NSUN6: variants seen among roughly 807,000 people sequenced by gnomAD.
NSUN6 encodes tRNA (cytosine(72)-C(5))-methyltransferase NSUN6.
NSUN6 carries 64 observed loss-of-function variants against 58.0 expected under a neutral mutation model. That is an observed-to-expected ratio of 1.10 (90% CI 0.90 to 1.36). NSUN6 has a LOEUF of 1.36. Ranked by LOEUF, NSUN6 falls within the 40% of genes most tolerant of loss-of-function variation. The pLI is 0.00. For missense variants in NSUN6, 701 were observed against 550.1 expected (o/e 1.27, Z -2.74); for synonymous variants, 231 against 193.9 (o/e 1.19, Z -1.59).
intron 8 of NSUN6, among the ~76,000 whole-genome samples, chr10:18,566,438 A>C (rs1269245499): frequency 4.5e-5 from 6 of 132,458 alleles, no homozygotes; most frequent in Non-Finnish European, 8.2e-5. Context: ...CATTCCGTTC[A>C]GCAATCCATT....
At chr10:18,600,942 A>AAATATATATATATG (rs34335327) in intron 6 of NSUN6, among the ~76,000 whole-genome samples, 3 of 42,794 alleles carry the variant, frequency 7.0e-5, no homozygotes, top group Non-Finnish European at 1.2e-4. Context: ...AAAAAAAAAA[A>AAATATATATATATG]TATATATATA....
intron 7 of NSUN6, among the ~76,000 whole-genome samples, chr10:18,586,934 T>C (rs1046545929): frequency 2.0e-5 from 3 of 152,176 alleles, no homozygotes; most frequent in African/African-American, 7.2e-5. Flanking sequence ...CACTGATTGG[T>C]GCGTTTACAA....
At chr10:18,572,752 TCCATTCCATTCC>T (rs2056441450) in intron 8 of NSUN6, among the ~76,000 whole-genome samples, 1 of 150,078 alleles carries the variant, frequency 6.7e-6, no homozygotes, top group Non-Finnish European at 1.5e-5. Context: ...AATTTCATTC[TCCATTCCATTCC>T]CCATTCCATT....
intron 4 of NSUN6, among the ~76,000 whole-genome samples, chr10:18,615,504 G>A (rs1344659432): frequency 6.6e-6 from 1 of 152,036 alleles, no homozygotes; most frequent in Non-Finnish European, 1.5e-5. Context: ...TTCTTTATAT[G>A]TGTATCTTTT....
intron 6 of NSUN6, among the ~76,000 whole-genome samples, chr10:18,604,038 T>C (rs1465054006): frequency 1.3e-5 from 2 of 151,980 alleles, no homozygotes; most frequent in Non-Finnish European, 2.9e-5. Flanking sequence ...AAAAATTAGC[T>C]GGGCATAGTG....
At chr10:18,620,378 C>T (rs893044733) in intron 3 of NSUN6, among the ~76,000 whole-genome samples, 2 of 152,080 alleles carry the variant, frequency 1.3e-5, no homozygotes, top group Non-Finnish European at 2.9e-5. Context: ...TGAGCCACTG[C>T]GCCCGACAAT....
intron 8 of NSUN6, among the ~76,000 whole-genome samples, chr10:18,556,561 G>A (rs976579415): frequency 6.6e-6 from 1 of 151,534 alleles, no homozygotes; most frequent in African/African-American, 2.4e-5. Context: ...ATGGAGAATG[G>A]AATGTTATGG....
chr10:18,559,475 CGAATGGAGAATG>C (rs2055313796), intron 8 of NSUN6, among the ~76,000 whole-genome samples: 1 of 126,854 alleles, frequency 7.9e-6, no homozygotes, highest in South Asian at 2.6e-4. Context: ...AATGGAGAAT[CGAATGGAGAATG>C]GAATGGAATG....
chr10:18,570,685 C>A (rs2056302258), intron 8 of NSUN6, among the ~76,000 whole-genome samples: 4 of 146,062 alleles, frequency 2.7e-5, no homozygotes, highest in Admixed American at 1.4e-4. Flanking sequence ...CATTCCATTT[C>A]ATGCTCCATT....
At chr10:18,648,025 C>A (rs936893264) in intron 2 of NSUN6, among the ~76,000 whole-genome samples, 5 of 152,190 alleles carry the variant, frequency 3.3e-5, no homozygotes, top group Admixed American at 3.3e-4. Context: ...AGGCATGAGC[C>A]ACCACGCCTG....
intron 3 of NSUN6, among the ~76,000 whole-genome samples, chr10:18,632,308 G>A (rs1158731407): frequency 7.1e-6 from 1 of 140,156 alleles, no homozygotes; most frequent in African/African-American, 2.6e-5. Context: ...AACCCTAGAA[G>A]AAAACCTAGG....
At chr10:18,625,868 A>T (rs2058782827) in intron 3 of NSUN6, among the ~76,000 whole-genome samples, 2 of 152,020 alleles carry the variant, frequency 1.3e-5, no homozygotes, top group Admixed American at 1.3e-4. Context: ...TAAAAGGAAA[A>T]GTTTTTGGTG....
intron 2 of NSUN6, 123 bp downstream of exon 2, chr10:18,648,367 T>C: frequency 1.7e-6 from 1 of 585,264 alleles, no homozygotes; most frequent in Admixed American, 3.0e-5. Context: ...TTACCATTCA[T>C]GGTCCTCAAT....
At chr10:18,646,226 G>A (rs1334912255) in intron 2 of NSUN6, among the ~76,000 whole-genome samples, 7 of 152,112 alleles carry the variant, frequency 4.6e-5, no homozygotes, top group Non-Finnish European at 2.9e-5. Flanking sequence ...TCAATATGTG[G>A]TGCACAGATA....
In NSUN6 at chr10:18,586,325, G is replaced by A. The variant is rs116483949; in HGVS notation, c.778-232C>T. 2.9e-3 allele frequency among the ~76,000 whole-genome samples: 437 copies of A among 152,274 alleles called. 1 individual carries two copies. The highest frequency in any genetic ancestry group is 9.4e-3 in the African/African-American group (389 of 41,534). On this transcript the variant is annotated intron_variant, in intron 7 of 10. Coordinates refer to ENST00000377304, the MANE Select transcript of NSUN6 (RefSeq NM_182543.5). ...GAATGAAGCCGCAGACCCTTGCGAT[G>A]AGTGTTACAGTTCTTAAAGACGTTG...
At chr10:18,600,946 A>ATATATATGTATACATATATATATATATG (rs2057792752) in intron 6 of NSUN6, among the ~76,000 whole-genome samples, 1 of 91,912 alleles carries the variant, frequency 1.1e-5, no homozygotes, top group African/African-American at 4.2e-5. Context: ...AAAAAAATAT[A>ATATATATGTATACATATATATATATATG]TATATATATA....
upstream of NSUN6, chr10:18,651,997 T>C (rs2059718564): frequency 2.3e-5 from 23 of 985,328 alleles, no homozygotes; most frequent in Non-Finnish European, 2.5e-5. Context: ...CACCGTTTGA[T>C]TTCATGACAT....
chr10:18,585,820 G>A lies in NSUN6; in HGVS notation c.922+129C>T, dbSNP rs545026624. On this transcript the variant is annotated intron_variant, in intron 8 of 10. Coordinates refer to ENST00000377304, the MANE Select transcript of NSUN6 (RefSeq NM_182543.5). ...TTACCACAAGGATAAGTACAGTGATGGATATGTTAATTAGCTTGTTTTAAT... is the reference window on the plus strand; with the variant it reads ...TTACCACAAGGATAAGTACAGTGATAGATATGTTAATTAGCTTGTTTTAAT... 4.4e-6 allele frequency: 3 copies of A among 680,012 alleles called. No homozygotes were observed. The Admixed American group carries it at 9.9e-5, about 22-fold the overall frequency. 42.1% of individuals were successfully genotyped at this position (680,012 alleles called of 1,614,324 possible).
At chr10:18,629,346 C>A (rs1354868795) in intron 3 of NSUN6, among the ~76,000 whole-genome samples, 1 of 152,086 alleles carries the variant, frequency 6.6e-6, no homozygotes, top group Non-Finnish European at 1.5e-5. Flanking sequence ...ACTGCATGAA[C>A]TAACGAGCAA....
Sources: allele counts gnomAD v4.1 joint callset (sites outside exome capture counted in the v4.1 genomes callset), GRCh38; gene constraint gnomAD v4.1.1; transcripts MANE v1.5; gene names NCBI Gene and HGNC (gene_info 2026-07-23, HGNC 2026-07-21).